The following REV1 variants were observed in gnomAD, a reference collection of about 807,000 sequenced individuals.
REV1 encodes the protein REV1 DNA directed polymerase, also known as translesion synthesis protein REV1.
Under a neutral mutation model 137.4 loss-of-function variants are expected in REV1, and 42 were observed. The observed-to-expected ratio is 0.31, with a 90% CI of 0.24 to 0.40. The LOEUF is 0.40. Ranked by LOEUF, REV1 falls within the 10% of genes least tolerant of loss-of-function variation. The pLI, the probability that REV1 is intolerant of heterozygous loss-of-function variation, is 1.00. For synonymous variants in REV1, 524 were observed against 519.2 expected, an observed-to-expected ratio of 1.01 and a Z score of -0.12; for missense variants, 1,282 against 1,490.1, an observed-to-expected ratio of 0.86 and a Z score of 2.30.
At chr2:99,462,378 T>C (rs1684319795) in intron 3 of REV1, 118 bp downstream of exon 3, 5 of 958,716 alleles carry the variant, frequency 5.2e-6, no homozygotes, top group Non-Finnish European at 7.6e-6. Flanking sequence ...GATTTATTTC[T>C]TCTCATCTTA....
chr2:99,471,098 G>T (rs1343186129), intron 1 of REV1, among the ~76,000 whole-genome samples: 1 of 152,080 alleles, frequency 6.6e-6, no homozygotes, highest in Admixed American at 6.6e-5. Flanking sequence ...CAAATGCAAA[G>T]AAAGCAGCCT....
intron 10 of REV1, among the ~76,000 whole-genome samples, chr2:99,423,411 C>T (rs1288396804): frequency 6.6e-6 from 1 of 152,164 alleles, no homozygotes; most frequent in Non-Finnish European, 1.5e-5. Context: ...CATATACATT[C>T]CCCGTGGCTG....
Position 99,467,947 on chromosome 2 carries a change from G to A in REV1, c.-10-2962C>T, listed in dbSNP as rs574205289. Among the ~76,000 whole-genome samples the A allele has an allele frequency of 2.8e-4, 42 of 152,268 alleles. 3 individuals are homozygous for A. The highest frequency in any genetic ancestry group is 9.9e-4 in the African/African-American group (41 of 41,574). On this transcript the variant is annotated intron_variant, in intron 1 of 22. Coordinates refer to ENST00000258428, the MANE Select transcript of REV1 (RefSeq NM_016316.4). Reference sequence around the variant, plus strand: ...TATAATCCCAGCACTTTGGGAGGCCGAGGTGGACAGATCACGTGAGGCGGG... The same window carrying A: ...TATAATCCCAGCACTTTGGGAGGCCAAGGTGGACAGATCACGTGAGGCGGG...
chr2:99,411,478 C>T (rs1016153805), intron 13 of REV1, among the ~76,000 whole-genome samples: 4 of 150,348 alleles, frequency 2.7e-5, no homozygotes, highest in Non-Finnish European at 5.9e-5. Flanking sequence ...ATGATCTCGG[C>T]TCACTGCAAC....
intron 1 of REV1, among the ~76,000 whole-genome samples, chr2:99,486,686 T>G (rs1378660455): frequency 6.6e-6 from 1 of 152,220 alleles, no homozygotes; most frequent in Non-Finnish European, 1.5e-5. Flanking sequence ...TCTCAATCAG[T>G]AAATGGTGGG....
chr2:99,402,838 A>G, intron 20 of REV1, 38 bp from the exon 21 acceptor site: 1 of 1,613,522 alleles, frequency 6.2e-7, no homozygotes, highest in African/African-American at 1.3e-5. Context: ...CTATATTCAC[A>G]CATTATCCAG....
intron 4 of REV1, among the ~76,000 whole-genome samples, chr2:99,443,135 T>G (rs2104873318): frequency 6.6e-6 from 1 of 152,354 alleles, no homozygotes; most frequent in African/African-American, 2.4e-5. Flanking sequence ...ATTTTCTTGC[T>G]AATAAACTGA....
chr2:99,420,342 T>C (rs982932327), intron 11 of REV1, among the ~76,000 whole-genome samples: 1 of 152,144 alleles, frequency 6.6e-6, no homozygotes, highest in Non-Finnish European at 1.5e-5. Flanking sequence ...GGAAGCACAC[T>C]TGTCATATGC....
intron 1 of REV1, among the ~76,000 whole-genome samples, chr2:99,470,807 C>T (rs1038474368): frequency 5.3e-5 from 8 of 152,176 alleles, no homozygotes; most frequent in African/African-American, 1.7e-4. Context: ...ATAAATGACC[C>T]GGTCTCCTTT....
intron 4 of REV1, among the ~76,000 whole-genome samples, chr2:99,447,936 T>C (rs1226952012): frequency 2.0e-5 from 3 of 152,162 alleles, no homozygotes; most frequent in Admixed American, 2.0e-4. Flanking sequence ...CAAGCTGGTC[T>C]CTGCCCACCT....
intron 1 of REV1, among the ~76,000 whole-genome samples, chr2:99,471,746 G>A (rs554588281): frequency 4.9e-4 from 74 of 151,888 alleles, no homozygotes; most frequent in Non-Finnish European, 9.6e-4. Context: ...ATAAAAAAAG[G>A]ATCTGAACAG....
At chr2:99,452,338 C>G (rs1008195974) in intron 3 of REV1, among the ~76,000 whole-genome samples, 1 of 150,974 alleles carries the variant, frequency 6.6e-6, no homozygotes, top group Non-Finnish European at 1.5e-5. Flanking sequence ...GAAGTGGATA[C>G]CTTGAGCCAG....
intron 15 of REV1, among the ~76,000 whole-genome samples, chr2:99,407,503 TACA>T (rs1388082935): frequency 6.6e-6 from 1 of 151,178 alleles, no homozygotes; most frequent in South Asian, 2.1e-4. Flanking sequence ...AGTGAGCCGA[TACA>T]ACGCCATTGC....
intron 17 of REV1, chr2:99,405,265 C>A (rs1366784332): frequency 1.3e-5 from 2 of 153,478 alleles, no homozygotes; most frequent in Non-Finnish European, 2.9e-5. Context: ...AACATGCAAT[C>A]CCATCAACTG....
intron 3 of REV1, among the ~76,000 whole-genome samples, chr2:99,458,319 TAAG>T (rs1476628415): frequency 6.6e-6 from 1 of 152,028 alleles, no homozygotes; most frequent in Non-Finnish European, 1.5e-5. Context: ...GATGTAAAGA[TAAG>T]AAATAAACAC....
chr2:99,447,122 G>A (rs1407455959), intron 4 of REV1, among the ~76,000 whole-genome samples: 1 of 151,452 alleles, frequency 6.6e-6, no homozygotes, highest in Non-Finnish European at 1.5e-5. Flanking sequence ...ATCCCTCCAG[G>A]TTTAAAAAAT....
intron 14 of REV1, among the ~76,000 whole-genome samples, chr2:99,409,418 A>G (rs928251306): frequency 7.9e-5 from 12 of 152,358 alleles, no homozygotes; most frequent in Non-Finnish European, 1.3e-4. Context: ...TTCAGTGTCA[A>G]AAGTCTCAAA....
chr2:99,438,609 G>A lies in REV1; in HGVS notation c.1205C>T (p.Thr402Ile). The A allele has an allele frequency of 2.5e-6, 4 of 1,610,674 alleles. No individual in the cohort carries two copies. Among genetic ancestry groups the A allele is most frequent in the South Asian group, 1.1e-5 (1 of 91,020 alleles). ...TTTTAATAAGTATCTACCTGTGTCAGTTACAACAAGTGCAGACCTGCCTGT... is the reference window on the plus strand; with the variant it reads ...TTTTAATAAGTATCTACCTGTGTCAATTACAACAAGTGCAGACCTGCCTGT... ...MKTGRSALVV[T>I]DTGDMSVLNS... The change falls in exon 6 of 23, where the codon ACT (threonine) becomes ATT (isoleucine). Residue 402 changes from threonine to isoleucine, a missense_variant. By Grantham distance (89) the Thr-to-Ile change is moderately conservative. Around this residue, in one of 7 missense-constraint regions of REV1, gnomAD observed 432 missense variants for 438.0 expected, o/e 0.99. Coordinates refer to ENST00000258428, the MANE Select transcript of REV1 (RefSeq NM_016316.4).
intron 1 of REV1, among the ~76,000 whole-genome samples, chr2:99,473,889 C>T (rs1046859044): frequency 1.3e-5 from 2 of 152,188 alleles, no homozygotes; most frequent in Admixed American, 1.3e-4. Context: ...TCCTTCATCA[C>T]TGACTTGTGT....
Sources: allele counts gnomAD v4.1 joint callset (sites outside exome capture counted in the v4.1 genomes callset), GRCh38; gene constraint gnomAD v4.1.1; regional missense constraint gnomAD v4.1.1; transcripts MANE v1.5; gene names NCBI Gene and HGNC (gene_info 2026-07-23, HGNC 2026-07-21).